GGT5: variants seen among roughly 807,000 people sequenced by gnomAD.
GGT5 encodes gamma-glutamyltransferase 5.
A neutral mutation model predicts 58.1 loss-of-function variants in GGT5; 50 were observed. That is an observed-to-expected ratio of 0.86 (90% CI 0.69 to 1.09). GGT5 has a LOEUF of 1.09. Ranked by LOEUF, GGT5 falls within the 50% of genes least tolerant of loss-of-function variation. The probability of loss-of-function intolerance (pLI) is 0.00; values close to 1 mark genes in which losing one functional copy is unlikely to be tolerated. For synonymous variants in GGT5, 370 were observed against 346.1 expected (o/e 1.07, Z -0.77); for missense variants, 800 against 789.4 (o/e 1.01, Z -0.16).
At chr22:24,241,817 T>A (rs2048334224) in intron 1 of GGT5, 1 of 106,844 alleles carries the variant, frequency 9.4e-6, no homozygotes, top group African/African-American at 3.9e-5. Flanking sequence ...TTTCTTTCTT[T>A]CTTTTTTTTT....
At position 24,244,218 on chromosome 22, in the gene GGT5, C is replaced by T. The variant is rs1201228626; in HGVS notation, c.173+335G>A. ...CCTGTTCTGTGCAAGGGCCCTGAGG[C>T]TGCCTCCTTGCGCCCAAGACCTGCA... On this transcript the variant is annotated intron_variant, in intron 1 of 11. Transcript: ENST00000327365. 1.3e-5 allele frequency: 4 copies of T among 299,214 alleles called. No individual in the cohort carries two copies. In the East Asian group the frequency reaches 2.8e-4, roughly 21 times the overall value. The allele number at this position is 299,214 out of a possible 1,614,324, so 18.5% of individuals were successfully genotyped here. A position where few individuals can be genotyped will look rare whatever the true frequency, so the allele number is the denominator to read the frequency against.
chr22:24,220,880 A>G (rs888758387), intron 11 of GGT5, among the ~76,000 whole-genome samples: 1 of 152,146 alleles, frequency 6.6e-6, no homozygotes, highest in Non-Finnish European at 1.5e-5. Flanking sequence ...AAAAAATAAA[A>G]GAAAAGAAAA....
chr22:24,224,905 C>T, intron 11 of GGT5, 91 bp downstream of exon 11: 1 of 811,710 alleles, frequency 1.2e-6, no homozygotes, highest in South Asian at 1.5e-5. Context: ...CTAAGAATCT[C>T]AGTGACTGAG....
intron 1 of GGT5, chr22:24,242,036 C>A (rs2048341369): frequency 6.6e-6 from 1 of 151,886 alleles, no homozygotes; most frequent in African/African-American, 2.4e-5. Flanking sequence ...AGGCTGGTCT[C>A]CAACTCCTGA....
intron 5 of GGT5, 29 bp downstream of exon 5, chr22:24,232,022 A>G (rs370056070): frequency 1.9e-6 from 3 of 1,595,150 alleles, no homozygotes; most frequent in Non-Finnish European, 1.7e-6. Flanking sequence ...TCCAGCAGGG[A>G]TGGGGTATGG....
At position 24,225,356 on chromosome 22, in the gene GGT5, G is replaced by A. The variant is rs200146637; in HGVS notation, c.1392C>T (p.Gly464=). The A allele has an allele frequency of 5.3e-5, 85 of 1,612,652 alleles. No individual in the cohort carries two copies. The East Asian group carries it at 1.5e-3, about 28-fold the overall frequency. Residue 464 remains glycine (G), a synonymous_variant, in exon 10 of 12, where the codon GGC becomes GGT. Coordinates refer to ENST00000327365, the MANE Select transcript of GGT5 (RefSeq NM_004121.5). ...GCACCATGGAGGATGGGGAACGCTC[G>A]CCTGGAACTGGGGGCCAGCACCTTC... ...APGRCWPPVP[G]ERSPSSMVPS... is the part of the protein sequence containing the mutation.
At chr22:24,223,471 A>G (rs2047659272) in intron 11 of GGT5, among the ~76,000 whole-genome samples, 1 of 152,150 alleles carries the variant, frequency 6.6e-6, no homozygotes, top group African/African-American at 2.4e-5. Context: ...GAAATCCTCC[A>G]TATCTAAGAT....
chr22:24,244,798 A>G lies in GGT5; in HGVS notation c.-73T>C. The G allele has an allele frequency of 6.6e-7, 1 of 1,508,440 alleles. No individual in the cohort carries two copies. The highest frequency in any genetic ancestry group is 8.9e-7 in the Non-Finnish European group (1 of 1,126,100). 93.4% of individuals were successfully genotyped at this position (1,508,440 alleles called of 1,614,324 possible). On this transcript the variant is annotated 5_prime_UTR_variant, in exon 1 of 12. Coordinates refer to ENST00000327365, the MANE Select transcript of GGT5 (RefSeq NM_004121.5). ...GACGGATGGGTGGGCAGATGAATGG[A>G]CAAGAAGATGCACAGAGTCACAGGT...
Position 24,222,887 on chromosome 22 carries a change from C to T in GGT5, c.1614+2109G>A, listed in dbSNP as rs373509444. On this transcript the variant is annotated intron_variant, in intron 11 of 11. Transcript: ENST00000327365. ...GGTCAGGAGATCGAGACCATCCTGG[C>T]TAACACGGTGAAACCCTGTCTCTAC... Among the ~76,000 whole-genome samples the T allele has an allele frequency of 7.5e-4, 114 of 151,240 alleles. No homozygotes were observed. In the East Asian group the frequency reaches 9.0e-3, roughly 12 times the overall value.
intron 5 of GGT5, among the ~76,000 whole-genome samples, 180 bp from the exon 6 acceptor site, chr22:24,231,710 G>A (rs2047947431): frequency 6.6e-6 from 1 of 152,190 alleles, no homozygotes; most frequent in African/African-American, 2.4e-5. Context: ...GCGTGGAGGG[G>A]TGGACAGAGA....
chr22:24,232,944 AG>A lies in GGT5; in HGVS notation c.474del (p.Trp159GlyfsTer51). 6.4e-7 allele frequency: 1 copy of A among 1,570,724 alleles called. No homozygotes were observed. Among genetic ancestry groups the A allele is most frequent in the Non-Finnish European group, 8.6e-7 (1 of 1,158,138 alleles). ...ATGGTGGGCTGGAACAGCTGCGCCCAGGGCAGGCGGCCATGGCGGCGGTGGG... is the reference window on the plus strand; with the variant it reads ...ATGGTGGGCTGGAACAGCTGCGCCCAGGCAGGCGGCCATGGCGGCGGTGGG... ...AEAHRRHGRL[P>X]WAQLFQPTIA... On this transcript the variant is annotated frameshift_variant, in exon 4 of 12. Coordinates refer to ENST00000327365, the MANE Select transcript of GGT5 (RefSeq NM_004121.5). LOFTEE classifies it high-confidence loss of function.
rs1236466772 is a variant in GGT5, at chr22:24,221,298, A to G, written c.1615-1182T>C. On this transcript the variant is annotated intron_variant, in intron 11 of 11. Transcript: ENST00000327365. ...ACAAGATTAGAAATTATGGTTTAGG[A>G]GTCACGCAGCTGAAGGCTAAAGATT... Among the ~76,000 whole-genome samples the G allele has an allele frequency of 2.6e-5, 4 of 152,074 alleles. No individual in the cohort carries two copies. In the East Asian group the frequency reaches 7.7e-4, roughly 29 times the overall value.
intron 5 of GGT5, among the ~76,000 whole-genome samples, 174 bp from the exon 6 acceptor site, chr22:24,231,704 G>A (rs1223845378): frequency 6.6e-6 from 1 of 152,198 alleles, no homozygotes; most frequent in East Asian, 1.9e-4. Flanking sequence ...GGCCAGGCGT[G>A]GAGGGGTGGA....
At chr22:24,231,033 G>A (rs530935845) in intron 6 of GGT5, among the ~76,000 whole-genome samples, 48 of 151,808 alleles carry the variant, frequency 3.2e-4, no homozygotes, top group Non-Finnish European at 6.2e-4. Context: ...CCTTGGGCTA[G>A]GCTGGCTTCG....
chr22:24,237,001 TTC>T (rs1325270329), intron 1 of GGT5, among the ~76,000 whole-genome samples: 7 of 146,132 alleles, frequency 4.8e-5, no homozygotes, highest in African/African-American at 1.7e-4. Context: ...TTTTTTTCTT[TTC>T]TCTCTTTTTT....
rs1022315105 is a variant in GGT5 at position 24,233,799 on chromosome 22, G to A, written c.304+75C>T. ...CCCAGAAACGGGCTTGAGTTGATGG[G>A]ACTGGCTGGAGAAGGGGTTACGCAG... On this transcript the variant is annotated intron_variant, in intron 2 of 11. Transcript: ENST00000327365. 9 of 1,418,944 alleles carry A rather than the reference G, an allele frequency of 6.3e-6. No individual in the cohort carries two copies. In the Admixed American group the frequency reaches 1.2e-4, roughly 19 times the overall value. 87.9% of individuals were successfully genotyped at this position (1,418,944 alleles called of 1,614,324 possible).
chr22:24,241,561 CT>C (rs984880385), intron 1 of GGT5: 2 of 152,162 alleles, frequency 1.3e-5, no homozygotes, highest in Non-Finnish European at 2.9e-5. Context: ...CTAAAGTCAA[CT>C]GACTGTCAGT....
rs1440327234 is a variant in GGT5, at chr22:24,244,945, A to G, written c.-220T>C. On this transcript the variant is annotated 5_prime_UTR_variant, in exon 1 of 12. Transcript: ENST00000327365. Reference sequence around the variant, plus strand: ...AAGATGGTCAGATAGACAATGGGACAGAGATGGGCTTACAGATGGGCGGAC... The same window carrying G: ...AAGATGGTCAGATAGACAATGGGACGGAGATGGGCTTACAGATGGGCGGAC... 1.3e-6 allele frequency: 1 copy of G among 754,242 alleles called. No homozygotes were observed. Among genetic ancestry groups the G allele is most frequent in the East Asian group, 2.8e-5 (1 of 36,036 alleles). 46.7% of individuals were successfully genotyped at this position (754,242 alleles called of 1,614,324 possible).
At chr22:24,220,723 C>A (rs1364169568) in intron 11 of GGT5, 2 of 452,802 alleles carry the variant, frequency 4.4e-6, no homozygotes, top group East Asian at 7.0e-5. Context: ...AAGCAAGACA[C>A]CGTCTCTAAA....
Sources: allele counts gnomAD v4.1 joint callset (sites outside exome capture counted in the v4.1 genomes callset), GRCh38; gene constraint gnomAD v4.1.1; transcripts MANE v1.5; gene names NCBI Gene and HGNC (gene_info 2026-07-23, HGNC 2026-07-21).